The following SYNE2 variants were observed in gnomAD, a reference collection of about 807,000 sequenced individuals.
SYNE2 encodes the protein nesprin-2.
In SYNE2, 431 loss-of-function variants were observed where a neutral mutation model predicts 856.3. That is an observed-to-expected ratio of 0.50 (90% CI 0.47 to 0.55). The LOEUF (loss-of-function observed/expected upper bound fraction) is 0.55, where lower values mean the gene tolerates loss of function less well. SYNE2 is among the 20% of genes least tolerant of loss of function. The pLI is 0.00. For missense variants in SYNE2, 8,129 were observed against 8,023.2 expected, an observed-to-expected ratio of 1.01 and a Z score of -0.50; for synonymous variants, 2,923 against 2,872.3, an observed-to-expected ratio of 1.02 and a Z score of -0.56.
At chr14:63,771,620 C>A (rs898160724) in intron 1 of SYNE2, among the ~76,000 whole-genome samples, 1 of 152,044 alleles carries the variant, frequency 6.6e-6, no homozygotes, top group Non-Finnish European at 1.5e-5. Flanking sequence ...AAACACAGGC[C>A]GGGCATGGTG....
rs2153681733 is a variant in SYNE2 at position 64,132,252 on chromosome 14, C to G, written c.14341-13C>G. ...ATTTCAAAGTAAATATTAAAACTTTCTCCATCTCATAGGTTTTTTTCCAGA... is the reference window on the plus strand; with the variant it reads ...ATTTCAAAGTAAATATTAAAACTTTGTCCATCTCATAGGTTTTTTTCCAGA... On this transcript the variant is annotated splice_polypyrimidine_tract_variant and intron_variant, in intron 76 of 115. Transcript: ENST00000555002. 1 of 1,612,546 alleles carries G rather than the reference C, an allele frequency of 6.2e-7. No individual in the cohort carries two copies. Among genetic ancestry groups the G allele is most frequent in the Non-Finnish European group, 8.5e-7 (1 of 1,179,940 alleles).
intron 45 of SYNE2, among the ~76,000 whole-genome samples, chr14:64,037,304 G>A (rs2097098987): frequency 6.6e-6 from 1 of 151,520 alleles, no homozygotes; most frequent in South Asian, 2.1e-4. Flanking sequence ...GTGTCCCTGG[G>A]TACTTGAGAT....
At chr14:64,138,912 TTGTGTGTGTG>T (rs143789075) in intron 79 of SYNE2, among the ~76,000 whole-genome samples, 3 of 144,232 alleles carry the variant, frequency 2.1e-5, no homozygotes, top group Admixed American at 6.9e-5. Context: ...CAAATGCTGG[TTGTGTGTGTG>T]TGTGTGTGTG....
intron 2 of SYNE2, among the ~76,000 whole-genome samples, chr14:63,917,245 A>G (rs1032267564): frequency 2.0e-5 from 3 of 152,198 alleles, no homozygotes; most frequent in Non-Finnish European, 1.5e-5. Context: ...TCTCTAACCA[A>G]TTCAGATTAC....
intron 84 of SYNE2, 22 bp from the exon 85 acceptor site, chr14:64,152,542 C>A: frequency 6.2e-7 from 1 of 1,613,520 alleles, no homozygotes; most frequent in Non-Finnish European, 8.5e-7. Flanking sequence ...GCATTGAAAA[C>A]CTTTTCCTCT....
In SYNE2 at chr14:64,125,067, T is replaced by G; in HGVS notation, c.13423-12T>G. ...AAAACTGTCAGTAATAGGGTTTTCCTTTGTCAAATAGGTTTCCACAAATAT... is the reference window on the plus strand; with the variant it reads ...AAAACTGTCAGTAATAGGGTTTTCCGTTGTCAAATAGGTTTCCACAAATAT... On this transcript the variant is annotated splice_polypyrimidine_tract_variant and intron_variant, in intron 70 of 115. Coordinates refer to ENST00000555002, the MANE Select transcript of SYNE2 (RefSeq NM_182914.3). 6.2e-7 allele frequency: 1 copy of G among 1,614,070 alleles called. No individual in the cohort carries two copies. Among genetic ancestry groups the G allele is most frequent in the Non-Finnish European group, 8.5e-7 (1 of 1,179,946 alleles).
Position 64,208,825 on chromosome 14 carries a change from T to C in SYNE2, c.18269T>C (p.Leu6090Pro). 1 of 1,614,236 alleles carries C rather than the reference T, an allele frequency of 6.2e-7. No homozygotes were observed. The highest frequency in any genetic ancestry group is 8.5e-7 in the Non-Finnish European group (1 of 1,180,032). ...VESVFNICDV[L>P]LHDSDACANE... The stretch of plus-strand genomic sequence containing the variant: ...TCCGTGTTTAACATCTGTGACGTCC[T>C]ACTGCACGACTCCGATGCCTGTGCA... Residue 6090 changes from leucine (L) to proline (P), a missense_variant, in exon 101 of 116, where the codon CTA becomes CCA. This residue lies in a region of SYNE2 where 5,410 missense variants were observed against 5,284.8 expected (regional missense o/e 1.02). Coordinates refer to ENST00000555002, the MANE Select transcript of SYNE2 (RefSeq NM_182914.3).
intron 2 of SYNE2, among the ~76,000 whole-genome samples, chr14:63,911,634 A>T (rs1419382341): frequency 6.6e-6 from 1 of 152,216 alleles, no homozygotes; most frequent in African/African-American, 2.4e-5. Flanking sequence ...TGACTAGGAC[A>T]GTTTTCTTTG....
In SYNE2 at chr14:64,003,030, A is replaced by G; in HGVS notation, c.4097A>G (p.Glu1366Gly). The G allele has an allele frequency of 6.2e-7, 1 of 1,614,178 alleles. No homozygotes were observed. Among genetic ancestry groups the G allele is most frequent in the Non-Finnish European group, 8.5e-7 (1 of 1,180,032 alleles). ...NTLTVKNKEGEIHLMKDKAKH... is the reference protein window; with the variant it reads ...NTLTVKNKEGGIHLMKDKAKH... ...TTGACAGTAAAAAATAAAGAGGGAG[A>G]AATTCATCTGATGAAAGACAAGGCC... is the stretch of plus-strand genomic sequence containing the variant. Residue 1366 changes from glutamate (E) to glycine (G), a missense_variant, in exon 30 of 116, where the codon GAA becomes GGA. Physicochemically the swap from Glu to Gly is moderately conservative, Grantham distance 98 (BLOSUM62 -2). Transcript: ENST00000555002.
chr14:64,202,272 C>T (rs1335105630), intron 99 of SYNE2: 1 of 702,212 alleles, frequency 1.4e-6, no homozygotes, highest in African/African-American at 1.7e-5. Flanking sequence ...AGCGGTAGGG[C>T]TTGGCACATG....
At chr14:64,162,491 G>A (rs985503075) in intron 88 of SYNE2, 15 of 611,300 alleles carry the variant, frequency 2.5e-5, no homozygotes, top group African/African-American at 9.1e-5. Flanking sequence ...AGGGGGACTC[G>A]ATATCACCTC....
At chr14:64,201,354 G>A (rs75189167) in intron 99 of SYNE2, among the ~76,000 whole-genome samples, 40 of 152,326 alleles carry the variant, frequency 2.6e-4, no homozygotes, top group African/African-American at 9.4e-4. Context: ...GTGCCTGTCC[G>A]TATTTGTCCA....
chr14:64,017,328 C>CAAAAAAAAAAAAAA (rs34399201), intron 33 of SYNE2, among the ~76,000 whole-genome samples: 1 of 66,580 alleles, frequency 1.5e-5, no homozygotes, highest in Non-Finnish European at 2.6e-5. Context: ...GACTCCATCT[C>CAAAAAAAAAAAAAA]AAAAAAAAAA....
chr14:63,940,113 T>C (rs1048079880), intron 2 of SYNE2, among the ~76,000 whole-genome samples: 5 of 145,818 alleles, frequency 3.4e-5, no homozygotes, highest in African/African-American at 1.3e-4. Context: ...AGTCTTGCCG[T>C]GTTGACCAGG....
intron 1 of SYNE2, among the ~76,000 whole-genome samples, chr14:63,887,020 T>C (rs12895879): frequency 0.62 from 94,464 of 152,056 alleles, 29,486 homozygotes; most frequent in South Asian, 0.7. Flanking sequence ...TGGTGGCTCA[T>C]GCCTGTAATC....
At position 64,078,602 on chromosome 14, in the gene SYNE2, A is replaced by G. The variant is rs2097490037; in HGVS notation, c.11159A>G (p.Gln3720Arg). 1 of 1,613,798 alleles carries G rather than the reference A, an allele frequency of 6.2e-7. No homozygotes were observed. The highest frequency in any genetic ancestry group is 8.5e-7 in the Non-Finnish European group (1 of 1,179,922). The stretch of plus-strand genomic sequence containing the variant: ...AATATTGAGAAAGCTCAAGAAATTC[A>G]AAAGGTAAAATCCTCCTTTAACTCC... ...SKNIEKAQEI[Q>R]KKMWDELDLW... Residue 3720 changes from glutamine (Q) to arginine (R), a missense_variant, in exon 55 of 116, where the codon CAA becomes CGA. This residue lies in a region of SYNE2 where 5,410 missense variants were observed against 5,284.8 expected (regional missense o/e 1.02). Coordinates refer to ENST00000555002, the MANE Select transcript of SYNE2 (RefSeq NM_182914.3).
chr14:63,762,940 T>C (rs1308724199), intron 1 of SYNE2, among the ~76,000 whole-genome samples: 1 of 152,232 alleles, frequency 6.6e-6, no homozygotes, highest in Non-Finnish European at 1.5e-5. Flanking sequence ...AATTTGAAAT[T>C]AAAATAGAAC....
intron 2 of SYNE2, among the ~76,000 whole-genome samples, chr14:63,936,479 C>T (rs140933088): frequency 2.0e-5 from 3 of 152,124 alleles, no homozygotes; most frequent in African/African-American, 7.2e-5. Context: ...TTGTCTGAGC[C>T]AGGATTTGAA....
At position 64,122,239 on chromosome 14, in the gene SYNE2, A is replaced by G. The variant is rs10148304; in HGVS notation, c.13281-47A>G. ...CATAGAACTGTGAATGTAATACAAA[A>G]TGTTTAGTGTTGATTATTCTCTTCA... On this transcript the variant is annotated intron_variant, in intron 69 of 115. Transcript: ENST00000555002. The G allele has an allele frequency of 2.2e-4, 348 of 1,614,106 alleles. No homozygotes were observed. The Middle Eastern group carries it at 4.3e-3, about 20-fold the overall frequency.
Sources: allele counts gnomAD v4.1 joint callset (sites outside exome capture counted in the v4.1 genomes callset), GRCh38; gene constraint gnomAD v4.1.1; regional missense constraint gnomAD v4.1.1; transcripts MANE v1.5; gene names NCBI Gene and HGNC (gene_info 2026-07-23, HGNC 2026-07-21).